FAT2: variants seen among roughly 807,000 people sequenced by gnomAD.
FAT2 encodes FAT atypical cadherin 2.
A neutral mutation model predicts 295.3 loss-of-function variants in FAT2; 150 were observed. The observed-to-expected ratio is 0.51, with a 90% CI of 0.44 to 0.58. The LOEUF is 0.58. FAT2 is among the 20% of genes least tolerant of loss of function. FAT2 has a pLI of 0.00. For missense variants in FAT2, 4,868 were observed against 5,442.7 expected (o/e 0.89, Z 3.32); for synonymous variants, 2,026 against 2,150.3 (o/e 0.94, Z 1.60).
At chr5:151,542,197 TC>T in intron 10 of FAT2, 87 bp downstream of exon 10, 1 of 1,334,564 alleles carries the variant, frequency 7.5e-7, no homozygotes, top group South Asian at 1.4e-5. Context: ...AAGTGGCAAA[TC>T]CAGGACATGA....
At chr5:151,591,834 A>G (rs1017700760), upstream of FAT2, among the ~76,000 whole-genome samples, 5 of 152,202 alleles carry the variant, frequency 3.3e-5, no homozygotes, top group Non-Finnish European at 5.9e-5. Flanking sequence ...AATAGCTCCT[A>G]CCTCATAAGG....
intron 1 of FAT2, among the ~76,000 whole-genome samples, chr5:151,580,784 A>C (rs1405648093): frequency 6.6e-6 from 1 of 152,154 alleles, no homozygotes; most frequent in African/African-American, 2.4e-5. Flanking sequence ...ACCAGGTAGA[A>C]AATGTCCTGC....
Position 151,542,457 on chromosome 5 carries a change from G to T in FAT2, c.8670C>A (p.Ala2890=). Reference sequence around the variant, plus strand: ...CATCTGTAATGGAGACCTGAACCAGGGCCTGAGAGGATAGCTGGATGGTCT... The same window carrying T: ...CATCTGTAATGGAGACCTGAACCAGTGCCTGAGAGGATAGCTGGATGGTCT... ...HGQTIQLSSQ[A]LVQVSITDEN... is the part of the protein sequence containing the mutation. The change falls in exon 10 of 24, where the codon GCC becomes GCA. Residue 2890 remains alanine (A), a synonymous_variant. Transcript: ENST00000261800. 6.2e-7 allele frequency: 1 copy of T among 1,614,146 alleles called. No homozygotes were observed. The highest frequency in any genetic ancestry group is 2.2e-5 in the East Asian group (1 of 44,878).
At chr5:151,539,203 GAA>G (rs1190322405) in intron 11 of FAT2, among the ~76,000 whole-genome samples, 22 of 152,178 alleles carry the variant, frequency 1.4e-4, no homozygotes, top group Admixed American at 1.4e-3. Context: ...CTTGGATCCT[GAA>G]AAGACATTTT....
In FAT2 at chr5:151,521,358, G is replaced by A; in HGVS notation, c.11235C>T (p.Pro3745=). 6.2e-7 allele frequency: 1 copy of A among 1,614,200 alleles called. No individual in the cohort carries two copies. The highest frequency in any genetic ancestry group is 8.5e-7 in the Non-Finnish European group (1 of 1,180,044). Residue 3745 remains proline (P), a synonymous_variant, in exon 19 of 24, where the codon CCC becomes CCT. Transcript: ENST00000261800. ...CGGTGCTGTACGTGGGCCCAACCTT[G>A]GGGTCCAGATGCACTGTGTTATGGC... ...QICHNTVHLD[P]KVGPTYSTAR...
chr5:151,507,506 G>C lies in FAT2; in HGVS notation c.12165C>G (p.Ala4055=), dbSNP rs760967696. 1 of 1,614,054 alleles carries C rather than the reference G, an allele frequency of 6.2e-7. No homozygotes were observed. The highest frequency in any genetic ancestry group is 8.5e-7 in the Non-Finnish European group (1 of 1,180,010). The change falls in exon 23 of 24, where the codon GCC becomes GCG. Residue 4055 remains alanine, a synonymous_variant. Transcript: ENST00000261800. ...CAGTGCTTATGATAATGAACGCCAC[G>C]GCCACTGTGATGATCAGTAACTCCT... The part of the protein sequence containing the change: ...GQQELLIITV[A]VAFIIISTVG...
At chr5:151,511,465 C>A (rs1212344518) in intron 21 of FAT2, 2 of 152,274 alleles carry the variant, frequency 1.3e-5, no homozygotes, top group African/African-American at 4.8e-5. Context: ...GTGACTTCCA[C>A]CCCTGGGTGT....
At chr5:151,510,842 TG>T (rs1402064674) in intron 21 of FAT2, 1 of 152,136 alleles carries the variant, frequency 6.6e-6, no homozygotes, top group Non-Finnish European at 1.5e-5. Context: ...GAAGAGTGCG[TG>T]CAAAGGCTAG....
In FAT2 at chr5:151,505,709, G is replaced by C. The variant is rs745985926; in HGVS notation, c.12906C>G (p.Leu4302=). Residue 4302 remains leucine (L), a synonymous_variant, in exon 24 of 24, where the codon CTC becomes CTG. Coordinates refer to ENST00000261800, the MANE Select transcript of FAT2 (RefSeq NM_001447.3). ...DGGYKGVGMR[L]SRAGPSYAVC... ...CAGCATAAGAGGGCCCAGCTCGGCT[G>C]AGGCGCATACCCACCCCCTTGTAGC... 1.9e-6 allele frequency: 3 copies of C among 1,614,002 alleles called. No homozygotes were observed. The highest frequency in any genetic ancestry group is 3.3e-5 in the Admixed American group (2 of 60,026).
rs376708515 is a variant in FAT2, at chr5:151,514,691, C to T, written c.11464-2085G>A. ...CTCTCTCCTGAGATCCCTAATGCCT[C>T]CCTCCTCATTCCCACTCTCAGCTGA... On this transcript the variant is annotated intron_variant, in intron 20 of 23. Transcript: ENST00000261800. 2.0e-5 allele frequency among the ~76,000 whole-genome samples: 3 copies of T among 152,210 alleles called. No individual in the cohort carries two copies. In the East Asian group the frequency reaches 5.8e-4, roughly 29 times the overall value.
chr5:151,519,415 A>C (rs1753213101), intron 19 of FAT2, among the ~76,000 whole-genome samples: 1 of 152,222 alleles, frequency 6.6e-6, no homozygotes, highest in African/African-American at 2.4e-5. Flanking sequence ...GTAGGTACTT[A>C]TTGGATGGGA....
Position 151,542,754 on chromosome 5 carries a change from AT to A in FAT2, c.8372del (p.Asn2791MetfsTer29), listed in dbSNP as rs1756275942. On this transcript the variant is annotated frameshift_variant, in exon 10 of 24. Coordinates refer to ENST00000261800, the MANE Select transcript of FAT2 (RefSeq NM_001447.3). LOFTEE classifies it high-confidence loss of function. ...VSVNIQVGDV[N>X]DNRPVFEADP... ...CAGCCTCAAATACAGGCCTATTGTC[AT>A]TGACGTCTCCCACTTGGATGTTGAC... 6.2e-7 allele frequency: 1 copy of A among 1,614,098 alleles called. No individual in the cohort carries two copies. The highest frequency in any genetic ancestry group is 8.5e-7 in the Non-Finnish European group (1 of 1,180,040).
chr5:151,592,732 CTCAGAACAGA>C (rs1318009612), upstream of FAT2, among the ~76,000 whole-genome samples: 7 of 152,058 alleles, frequency 4.6e-5, no homozygotes, highest in East Asian at 1.3e-3. Context: ...GCTGGGACCA[CTCAGAACAGA>C]TCCGTTTCCC....
intron 2 of FAT2, among the ~76,000 whole-genome samples, chr5:151,564,492 C>G (rs1229986149): frequency 6.6e-6 from 1 of 152,116 alleles, no homozygotes; most frequent in African/African-American, 2.4e-5. Context: ...TGCTGAAAGC[C>G]AACATTGAGA....
At chr5:151,523,129 T>A (rs1160473368) in intron 18 of FAT2, among the ~76,000 whole-genome samples, 1 of 152,224 alleles carries the variant, frequency 6.6e-6, no homozygotes, top group East Asian at 1.9e-4. Flanking sequence ...TCCAACACTT[T>A]TAATGTACAA....
At chr5:151,507,718 C>T (rs1761008321) in intron 22 of FAT2, 107 bp from the exon 23 acceptor site, 2 of 1,062,746 alleles carry the variant, frequency 1.9e-6, no homozygotes, top group Non-Finnish European at 2.6e-6. Context: ...AACCTACCAT[C>T]TCCCGTTTTT....
At chr5:151,580,599 G>GCACA (rs139927067) in intron 1 of FAT2, among the ~76,000 whole-genome samples, 1 of 151,920 alleles carries the variant, frequency 6.6e-6, no homozygotes, top group African/African-American at 2.4e-5. Flanking sequence ...ACGCGTGCTC[G>GCACA]CACACACACA....
At chr5:151,514,156 C>T (rs1270220932) in intron 20 of FAT2, among the ~76,000 whole-genome samples, 2 of 152,164 alleles carry the variant, frequency 1.3e-5, no homozygotes, top group Admixed American at 6.5e-5. Context: ...ACTACCTATA[C>T]CTTTATTTAC....
In FAT2 at chr5:151,537,823, C is replaced by T. The variant is rs771902490; in HGVS notation, c.9163G>A (p.Ala3055Thr). Reference sequence around the variant, plus strand: ...TGAGGATCCAGCTTGAATTCATGCGCCCCAGGGCCATGCAGAGAATATGTG... The same window carrying T: ...TGAGGATCCAGCTTGAATTCATGCGTCCCAGGGCCATGCAGAGAATATGTG... ...QITYSLHGPGAHEFKLDPHTG... is the reference protein window; with the variant it reads ...QITYSLHGPGTHEFKLDPHTG... Residue 3055 changes from alanine (A) to threonine (T), a missense_variant, in exon 12 of 24, where the codon GCG (alanine) becomes ACG (threonine). Around this residue, in one of 5 missense-constraint regions of FAT2, gnomAD observed 1,046 missense variants for 1,210.1 expected, o/e 0.86. Coordinates refer to ENST00000261800, the MANE Select transcript of FAT2 (RefSeq NM_001447.3). 29 of 1,613,728 alleles carry T rather than the reference C, an allele frequency of 1.8e-5. No homozygotes were observed. In the Admixed American group the frequency reaches 2.2e-4, roughly 12 times the overall value.
Sources: allele counts gnomAD v4.1 joint callset (sites outside exome capture counted in the v4.1 genomes callset), GRCh38; gene constraint gnomAD v4.1.1; regional missense constraint gnomAD v4.1.1; transcripts MANE v1.5; gene names NCBI Gene and HGNC (gene_info 2026-07-23, HGNC 2026-07-21).